The following EZH2 variants were observed in gnomAD, a reference collection of about 807,000 sequenced individuals.
EZH2 encodes enhancer of zeste 2 polycomb repressive complex 2 subunit, also known as histone-lysine N-methyltransferase EZH2.
EZH2 carries 18 observed loss-of-function variants against 98.4 expected under a neutral mutation model. The observed-to-expected ratio is 0.18, with a 90% confidence interval of 0.13 to 0.27. EZH2 has a LOEUF of 0.27. EZH2 is among the 10% of genes least tolerant of loss of function. EZH2 has a pLI of 1.00. For synonymous variants in EZH2, 338 were observed against 312.3 expected (o/e 1.08, Z -0.87); for missense variants, 470 against 935.1 (o/e 0.50, Z 6.49).
At chr7:148,817,023 A>G in intron 11 of EZH2, 199 bp downstream of exon 11, 1 of 616,666 alleles carries the variant, frequency 1.6e-6, no homozygotes, top group Non-Finnish European at 2.7e-6. Context: ...CTAACCTTAA[A>G]AGTCTACATT....
chr7:148,817,519 A>T, intron 10 of EZH2, 128 bp from the exon 11 acceptor site: 1 of 880,288 alleles, frequency 1.1e-6, no homozygotes, highest in South Asian at 1.8e-5. Context: ...CAAAACACTA[A>T]CCCATCGTAG....
At chr7:148,863,727 A>C (rs1818038926) in intron 1 of EZH2, among the ~76,000 whole-genome samples, 1 of 152,248 alleles carries the variant, frequency 6.6e-6, no homozygotes, top group African/African-American at 2.4e-5. Context: ...TGAGGGACTC[A>C]AATAGTCCAC....
chr7:148,812,767 T>A (rs1388007512), intron 15 of EZH2, among the ~76,000 whole-genome samples: 5 of 152,120 alleles, frequency 3.3e-5, no homozygotes, highest in African/African-American at 1.2e-4. Flanking sequence ...CCAGAGTCAC[T>A]GTGATCCAAT....
rs1429151324 is a variant in EZH2, at chr7:148,817,887, C to T, written c.1230G>A (p.Ser410=). Residue 410 remains serine, a synonymous_variant, in exon 10 of 20, where the codon TCG becomes TCA. Transcript: ENST00000320356. ...KEEEEKKDET[S]SSSEANSRCQ... ...TTAGACGTGTCTTACCAGAGGAGCTCGAAGTTTCATCTTTCTTCTCTTCTT... is the reference window on the plus strand; with the variant it reads ...TTAGACGTGTCTTACCAGAGGAGCTTGAAGTTTCATCTTTCTTCTCTTCTT... 3.7e-6 allele frequency: 6 copies of T among 1,614,182 alleles called. No individual in the cohort carries two copies. Among genetic ancestry groups the T allele is most frequent in the Admixed American group, 1.7e-5 (1 of 60,014 alleles).
intron 6 of EZH2, 78 bp from the exon 7 acceptor site, chr7:148,827,344 T>G (rs1290765849): frequency 9.5e-7 from 1 of 1,057,006 alleles, no homozygotes; most frequent in African/African-American, 1.6e-5. Context: ...TACCCAATTA[T>G]GTCTCTATAA....
chr7:148,875,688 G>C (rs1407881133), intron 1 of EZH2, among the ~76,000 whole-genome samples: 1 of 152,324 alleles, frequency 6.6e-6, no homozygotes, highest in East Asian at 1.9e-4. Context: ...TTTTGGAAAA[G>C]AGTTTAACGG....
intron 1 of EZH2, among the ~76,000 whole-genome samples, chr7:148,848,155 T>A (rs1047757685): frequency 1.3e-5 from 2 of 152,248 alleles, no homozygotes; most frequent in Non-Finnish European, 1.5e-5. Context: ...TGTCAGGCTA[T>A]GCAAAGCTTT....
rs527479282 is a variant in EZH2, at chr7:148,813,516, T to C, written c.1851+443A>G. 4.2e-3 allele frequency among the ~76,000 whole-genome samples: 641 copies of C among 151,910 alleles called. 6 individuals carry two copies. Among genetic ancestry groups the C allele is most frequent in the Non-Finnish European group, 3.8e-3 (257 of 67,960 alleles). ...AACAGGAAGTAAGTCTATAAAAACC[T>C]GCCATGGGAAATTTCATCTTTTACT... On this transcript the variant is annotated intron_variant, in intron 15 of 19. Coordinates refer to ENST00000320356, the MANE Select transcript of EZH2 (RefSeq NM_004456.5).
At chr7:148,820,404 A>G (rs966022199) in intron 8 of EZH2, among the ~76,000 whole-genome samples, 3 of 152,212 alleles carry the variant, frequency 2.0e-5, no homozygotes, top group African/African-American at 7.2e-5. Context: ...TTACTTCCTC[A>G]TATACAAAAG....
At chr7:148,829,346 C>T (rs74435258) in intron 5 of EZH2, among the ~76,000 whole-genome samples, 1,834 of 152,188 alleles carry the variant, frequency 0.012, 34 homozygotes, top group African/African-American at 0.043. Flanking sequence ...CCTAGAGGAG[C>T]GGTATTTTTT....
chr7:148,808,893 A>G lies in EZH2; in HGVS notation c.2195+178T>C, dbSNP rs73745388. Among the ~76,000 whole-genome samples the G allele has an allele frequency of 0.019, 2,833 of 152,282 alleles. 103 individuals carry two copies. The highest frequency in any genetic ancestry group is 0.065 in the African/African-American group (2,680 of 41,538). On this transcript the variant is annotated intron_variant, in intron 19 of 19. Coordinates refer to ENST00000320356, the MANE Select transcript of EZH2 (RefSeq NM_004456.5). ...TATTTTAAAAATAAGCATGCCTTGT[A>G]TAATATATAAATGGATAATAAATAC...
chr7:148,811,095 G>C (rs1802944914), intron 16 of EZH2, among the ~76,000 whole-genome samples: 1 of 152,176 alleles, frequency 6.6e-6, no homozygotes, highest in Admixed American at 6.5e-5. Context: ...GTTGTCCCTA[G>C]ACGAGAAAAA....
chr7:148,874,747 T>C (rs1163388195), intron 1 of EZH2, among the ~76,000 whole-genome samples: 2 of 152,148 alleles, frequency 1.3e-5, no homozygotes, highest in South Asian at 2.1e-4. Flanking sequence ...ACCAAGTATA[T>C]ATAATCTGAA....
In EZH2 at chr7:148,858,214, C is replaced by A. The variant is rs1488899888; in HGVS notation, c.-7-10909G>T. ...GGCTGAGGCAGGAGAATGGCGTGAA[C>A]CCGGGAGGCAGAGCTTGCAATGAGC... On this transcript the variant is annotated intron_variant, in intron 1 of 19. Transcript: ENST00000320356. 1.3e-5 allele frequency among the ~76,000 whole-genome samples: 2 copies of A among 151,924 alleles called. 1 individual carries two copies. The highest frequency in any genetic ancestry group is 2.9e-5 in the Non-Finnish European group (2 of 67,984).
intron 14 of EZH2, 84 bp from the exon 15 acceptor site, chr7:148,814,221 C>A: frequency 7.9e-7 from 1 of 1,263,278 alleles, no homozygotes. Context: ...CTGTACTGGG[C>A]ATCTCACTGA....
At chr7:148,817,702 G>A in intron 10 of EZH2, 175 bp downstream of exon 10, 1 of 872,152 alleles carries the variant, frequency 1.1e-6, no homozygotes, top group South Asian at 1.7e-5. Context: ...CCACAAGCTA[G>A]GGTACGGGTG....
chr7:148,856,923 C>G (rs1816914658), intron 1 of EZH2, among the ~76,000 whole-genome samples: 3 of 152,306 alleles, frequency 2.0e-5, no homozygotes, highest in Non-Finnish European at 1.5e-5. Flanking sequence ...TTCCTTCCCC[C>G]TGAGCGTGAG....
intron 3 of EZH2, among the ~76,000 whole-genome samples, chr7:148,837,553 C>G (rs895693007): frequency 6.6e-6 from 1 of 152,206 alleles, no homozygotes; most frequent in African/African-American, 2.4e-5. Flanking sequence ...AATTTAAGTT[C>G]AGGCTACTTT....
chr7:148,846,382 A>G lies in EZH2; in HGVS notation c.246+88T>C, dbSNP rs1190913971. ...TAAAAAGATGGACACCCTGAGGTCAATGATTTCCTCCCAATAACCAAACAA... is the reference window on the plus strand; with the variant it reads ...TAAAAAGATGGACACCCTGAGGTCAGTGATTTCCTCCCAATAACCAAACAA... On this transcript the variant is annotated intron_variant, in intron 3 of 19. Coordinates refer to ENST00000320356, the MANE Select transcript of EZH2 (RefSeq NM_004456.5). 2.7e-6 allele frequency: 4 copies of G among 1,463,232 alleles called. No homozygotes were observed. The Admixed American group carries it at 6.2e-5, about 23-fold the overall frequency. 90.6% of individuals were successfully genotyped at this position (1,463,232 alleles called of 1,614,324 possible).
Sources: gnomAD v4.1 joint callset for allele counts (sites outside exome capture counted in the v4.1 genomes callset) on GRCh38, gnomAD v4.1.1 for gene constraint, MANE v1.5 for transcripts, NCBI Gene and HGNC (gene_info 2026-07-23, HGNC 2026-07-21) for gene names.